PRKCA: variants seen among roughly 807,000 people sequenced by gnomAD.
PRKCA encodes the protein protein kinase C alpha, also known as protein kinase C alpha type.
In PRKCA, 27 loss-of-function variants were observed where a neutral mutation model predicts 87.0. The ratio of observed to expected loss-of-function variants is 0.31; its 90% CI spans 0.23 to 0.43. The LOEUF (loss-of-function observed/expected upper bound fraction) is 0.43, where lower values mean the gene tolerates loss of function less well. Among genes scored for constraint, PRKCA ranks in the 20% least tolerant of loss-of-function variants. PRKCA has a pLI of 1.00. For missense variants in PRKCA, 518 were observed against 852.3 expected (o/e 0.61, Z 4.88); for synonymous variants, 329 against 311.1 (o/e 1.06, Z -0.61).
intron 2 of PRKCA, among the ~76,000 whole-genome samples, chr17:66,370,427 G>A (rs774223374): frequency 1.6e-4 from 24 of 151,400 alleles, no homozygotes; most frequent in South Asian, 2.1e-4. Context: ...CAGGGATGGC[G>A]AACAGTGGTT....
At chr17:66,594,460 C>T (rs1045426534) in intron 3 of PRKCA, among the ~76,000 whole-genome samples, 1 of 152,098 alleles carries the variant, frequency 6.6e-6, no homozygotes, top group African/African-American at 2.4e-5. Context: ...CAGTTTCCAG[C>T]GTCTCTTTAT....
At chr17:66,554,525 T>TC (rs1489048843) in intron 3 of PRKCA, 1 of 957,512 alleles carries the variant, frequency 1.0e-6, no homozygotes, top group Non-Finnish European at 1.2e-6. Context: ...ACAGCTCTTC[T>TC]CCCCTGTATT....
At position 66,808,570 on chromosome 17, in the gene PRKCA, A is replaced by C; in HGVS notation, c.*4533A>C. 1 of 152,252 alleles carries C rather than the reference A, an allele frequency of 6.6e-6. No homozygotes were observed. Among genetic ancestry groups the C allele is most frequent in the Admixed American group, 6.5e-5 (1 of 15,274 alleles). The allele number at this position is 152,252 out of a possible 1,614,324, so 9.4% of individuals were successfully genotyped here. ...AGACAATCGTAATCACAAAACAGAC[A>C]CTGAGCCAGGGGCCCAAAGGGTGTG... On this transcript the variant is annotated 3_prime_UTR_variant, in exon 17 of 17. Transcript: ENST00000413366.
At chr17:66,577,925 C>A (rs992756794) in intron 3 of PRKCA, among the ~76,000 whole-genome samples, 5 of 151,986 alleles carry the variant, frequency 3.3e-5, no homozygotes, top group African/African-American at 7.3e-5. Flanking sequence ...TAGCTTCCGA[C>A]CCCTGTCACC....
chr17:66,703,319 C>T (rs575935866), intron 8 of PRKCA: 2 of 151,512 alleles, frequency 1.3e-5, no homozygotes, highest in East Asian at 3.9e-4. Flanking sequence ...TTTTTTGACC[C>T]TACACAGGTC....
At chr17:66,771,320 A>G (rs1318128626) in intron 13 of PRKCA, among the ~76,000 whole-genome samples, 2 of 152,288 alleles carry the variant, frequency 1.3e-5, no homozygotes, top group South Asian at 2.1e-4. Context: ...TGTGTCTTAA[A>G]AAGTTTTACT....
chr17:66,340,503 A>G (rs115773716), intron 2 of PRKCA, among the ~76,000 whole-genome samples: 1,601 of 150,670 alleles, frequency 0.011, 22 homozygotes, highest in African/African-American at 0.037. Flanking sequence ...TAGTGCTTCT[A>G]CTGTGCAAAC....
intron 3 of PRKCA, among the ~76,000 whole-genome samples, chr17:66,556,857 T>C (rs1375233681): frequency 2.0e-5 from 3 of 152,162 alleles, no homozygotes; most frequent in African/African-American, 7.2e-5. Context: ...CCCTTATAAA[T>C]TACCCCATCT....
At chr17:66,650,059 C>T (rs1368584519) in intron 5 of PRKCA, among the ~76,000 whole-genome samples, 6 of 152,290 alleles carry the variant, frequency 3.9e-5, no homozygotes, top group East Asian at 1.9e-4. Flanking sequence ...GGTCCAGATG[C>T]GAGTGATTTC....
chr17:66,499,850 G>A (rs79135740), intron 3 of PRKCA, among the ~76,000 whole-genome samples: 3,513 of 152,238 alleles, frequency 0.023, 131 homozygotes, highest in African/African-American at 0.08. Context: ...AAAAGATCAT[G>A]CATTCACCCA....
At chr17:66,614,373 G>A (rs760610264) in intron 3 of PRKCA, among the ~76,000 whole-genome samples, 1 of 152,136 alleles carries the variant, frequency 6.6e-6, no homozygotes, top group African/African-American at 2.4e-5. Flanking sequence ...TATTTTTGAG[G>A]CATCTACCAC....
chr17:66,602,561 A>C (rs540924059), intron 3 of PRKCA, among the ~76,000 whole-genome samples: 3 of 152,142 alleles, frequency 2.0e-5, no homozygotes, highest in Non-Finnish European at 4.4e-5. Flanking sequence ...TGTAGACCGG[A>C]GCTGTTCCTA....
chr17:66,613,779 CTTTTTT>C (rs57610655), intron 3 of PRKCA, among the ~76,000 whole-genome samples: 6 of 69,416 alleles, frequency 8.6e-5, no homozygotes, highest in East Asian at 1.1e-3. Context: ...TGACTTCATC[CTTTTTT>C]TTTTTTTTTT....
In PRKCA at chr17:66,697,796, C is replaced by G. The variant is rs185732360; in HGVS notation, c.918+8749C>G. 7.3e-3 allele frequency among the ~76,000 whole-genome samples: 1,113 copies of G among 152,194 alleles called. 11 individuals carry two copies. The highest frequency in any genetic ancestry group is 0.012 in the Non-Finnish European group (813 of 68,028). ...TACTGTTCCCAAACTCTACACCCCCCACCCCCAGACTGAGTCCCTAAATGT... is the reference window on the plus strand; with the variant it reads ...TACTGTTCCCAAACTCTACACCCCCGACCCCCAGACTGAGTCCCTAAATGT... On this transcript the variant is annotated intron_variant, in intron 8 of 16. Coordinates refer to ENST00000413366, the MANE Select transcript of PRKCA (RefSeq NM_002737.3).
rs1397004631 is a variant in PRKCA at position 66,804,156 on chromosome 17, G to C, written c.*119G>C. ...TGTGTCTGATTCCATATGGAGGCCT[G>C]AAAATTGTAGGGTTATTAGTCCAAA... On this transcript the variant is annotated 3_prime_UTR_variant, in exon 17 of 17. Transcript: ENST00000413366. 7.4e-7 allele frequency: 1 copy of C among 1,359,720 alleles called. No individual in the cohort carries two copies. 84.2% of individuals were successfully genotyped at this position (1,359,720 alleles called of 1,614,324 possible).
At chr17:66,447,800 C>G (rs1914109963) in intron 2 of PRKCA, among the ~76,000 whole-genome samples, 3 of 152,222 alleles carry the variant, frequency 2.0e-5, no homozygotes, top group Admixed American at 1.3e-4. Context: ...TGGCTACCTC[C>G]TCACGTCTAG....
intron 13 of PRKCA, among the ~76,000 whole-genome samples, chr17:66,751,716 C>G (rs954651239): frequency 7.9e-5 from 12 of 152,296 alleles, no homozygotes; most frequent in Non-Finnish European, 1.5e-4. Context: ...TCCCTAGCAC[C>G]TCCTATGCCC....
intron 3 of PRKCA, among the ~76,000 whole-genome samples, chr17:66,616,945 T>A (rs1970534777): frequency 6.6e-6 from 1 of 151,910 alleles, no homozygotes; most frequent in Admixed American, 6.6e-5. Context: ...TTCCTGTGGC[T>A]CAGCTGAAGG....
intron 3 of PRKCA, among the ~76,000 whole-genome samples, chr17:66,531,416 G>A (rs1967534786): frequency 6.6e-6 from 1 of 152,164 alleles, no homozygotes; most frequent in Non-Finnish European, 1.5e-5. Context: ...CGGGGTGGGA[G>A]CCGGTGGCAT....
Sources: gnomAD v4.1 joint callset for allele counts (sites outside exome capture counted in the v4.1 genomes callset) on GRCh38, gnomAD v4.1.1 for gene constraint, MANE v1.5 for transcripts, NCBI Gene and HGNC (gene_info 2026-07-23, HGNC 2026-07-21) for gene names.